Variants in PID1 observed in about 807,000 individuals in gnomAD.
PID1 encodes the protein PTB-containing, cubilin and LRP1-interacting protein.
PID1 carries 10 observed loss-of-function variants against 19.1 expected under a neutral mutation model. The ratio of observed to expected loss-of-function variants is 0.52; its 90% confidence interval spans 0.32 to 0.89. The LOEUF (loss-of-function observed/expected upper bound fraction) is 0.89, where lower values mean the gene tolerates loss of function less well. Ranked by LOEUF, PID1 falls within the 40% of genes least tolerant of loss-of-function variation. The pLI is 0.03. For missense variants in PID1, 248 were observed against 285.3 expected (o/e 0.87, Z 0.94); for synonymous variants, 130 against 116.0 (o/e 1.12, Z -0.78).
intron 2 of PID1, among the ~76,000 whole-genome samples, chr2:229,086,402 G>A (rs1694767592): frequency 6.6e-6 from 1 of 152,048 alleles, no homozygotes; most frequent in South Asian, 2.1e-4. Flanking sequence ...GTAATTTATT[G>A]AATACTATAC....
intron 2 of PID1, among the ~76,000 whole-genome samples, chr2:229,096,690 A>G (rs1574625316): frequency 6.6e-6 from 1 of 152,226 alleles, no homozygotes; most frequent in African/African-American, 2.4e-5. Context: ...AGGGTCCTAC[A>G]TACTCAGAGC....
chr2:229,026,213 AAGGT>A, intron 2 of PID1, 105 bp from the exon 3 acceptor site: 1 of 772,026 alleles, frequency 1.3e-6, no homozygotes, highest in Non-Finnish European at 2.2e-6. Context: ...TCACATTGGG[AAGGT>A]GAAGACACTT....
At chr2:229,204,759 A>G (rs989125588) in intron 1 of PID1, among the ~76,000 whole-genome samples, 1 of 152,130 alleles carries the variant, frequency 6.6e-6, no homozygotes, top group Non-Finnish European at 1.5e-5. Context: ...GGACTGCTAT[A>G]AAGATCAAGT....
At chr2:229,145,157 A>G (rs1313071886) in intron 2 of PID1, among the ~76,000 whole-genome samples, 1,707 of 20,348 alleles carry the variant, frequency 0.084, 23 homozygotes, top group Middle Eastern at 0.13. Flanking sequence ...ATGTATGTGT[A>G]TATATATATA....
In PID1 at chr2:229,234,844, G is replaced by A. The variant is rs73998598; in HGVS notation, c.30+36170C>T. ...AGGACCTATTGTGAAAGACCATGGC[G>A]TTTTCAGAGCACCTAGCATGGTGCC... On this transcript the variant is annotated intron_variant, in intron 1 of 2. Transcript: ENST00000392055. Among the ~76,000 whole-genome samples, 243 of 152,202 alleles carry A rather than the reference G, an allele frequency of 1.6e-3. 2 individuals carry two copies. Among genetic ancestry groups the A allele is most frequent in the African/African-American group, 5.5e-3 (229 of 41,548 alleles).
At chr2:229,199,119 C>G (rs967447182) in intron 1 of PID1, among the ~76,000 whole-genome samples, 3 of 151,970 alleles carry the variant, frequency 2.0e-5, no homozygotes, top group African/African-American at 7.2e-5. Context: ...CAGTGCTGAT[C>G]CTTCTACCTG....
intron 2 of PID1, among the ~76,000 whole-genome samples, chr2:229,071,419 A>G (rs977197635): frequency 1.3e-5 from 2 of 152,238 alleles, no homozygotes; most frequent in African/African-American, 2.4e-5. Flanking sequence ...TTCTCTGAGC[A>G]CATGCTAAGC....
At chr2:229,165,088 A>C (rs1690571626) in intron 1 of PID1, among the ~76,000 whole-genome samples, 1 of 152,182 alleles carries the variant, frequency 6.6e-6, no homozygotes, top group African/African-American at 2.4e-5. Context: ...TGAGTAGAGA[A>C]ATAAAGAAGT....
chr2:229,178,338 T>C (rs1457465646), intron 1 of PID1, among the ~76,000 whole-genome samples: 2 of 152,162 alleles, frequency 1.3e-5, no homozygotes, highest in African/African-American at 4.8e-5. Flanking sequence ...ATCTCCTGGG[T>C]GTGTCCCTCC....
chr2:229,163,516 T>A (rs4522591), intron 1 of PID1, among the ~76,000 whole-genome samples: 92,359 of 151,090 alleles, frequency 0.61, 28,947 homozygotes, highest in East Asian at 0.88. Flanking sequence ...TTTTTTTACC[T>A]TCCCAGAGTC....
At chr2:229,106,082 A>AAAAAAG (rs1409333971) in intron 2 of PID1, among the ~76,000 whole-genome samples, 8 of 151,672 alleles carry the variant, frequency 5.3e-5, no homozygotes, top group Non-Finnish European at 1.2e-4. Context: ...TCCGTCAAAA[A>AAAAAAG]AAAAAAAGGG....
At chr2:229,116,144 G>A (rs912293608) in intron 2 of PID1, among the ~76,000 whole-genome samples, 6 of 152,096 alleles carry the variant, frequency 3.9e-5, no homozygotes, top group African/African-American at 7.2e-5. Context: ...GGAGAATGGC[G>A]TGAACCTGGG....
chr2:229,057,471 A>G (rs946540570), intron 2 of PID1, among the ~76,000 whole-genome samples: 5 of 149,500 alleles, frequency 3.3e-5, no homozygotes, highest in Admixed American at 2.7e-4. Context: ...AAAAAAAAAA[A>G]CCTACTAATT....
intron 2 of PID1, among the ~76,000 whole-genome samples, chr2:229,099,361 A>C (rs1695032428): frequency 6.6e-6 from 1 of 152,178 alleles, no homozygotes; most frequent in South Asian, 2.1e-4. Context: ...ACCACTTTAC[A>C]TAGGCAAATT....
chr2:229,198,906 A>G (rs1322329905), intron 1 of PID1, among the ~76,000 whole-genome samples: 2 of 152,026 alleles, frequency 1.3e-5, no homozygotes, highest in African/African-American at 4.8e-5. Flanking sequence ...GTTCTTTCTG[A>G]AAGATCAGAT....
intron 1 of PID1, among the ~76,000 whole-genome samples, chr2:229,163,547 G>A (rs1690531950): frequency 6.6e-6 from 1 of 151,850 alleles, no homozygotes; most frequent in Non-Finnish European, 1.5e-5. Flanking sequence ...TTATGTGGGA[G>A]AGGAACCAAA....
intron 2 of PID1, among the ~76,000 whole-genome samples, chr2:229,074,397 G>A (rs1304729170): frequency 6.6e-6 from 1 of 152,164 alleles, no homozygotes; most frequent in Non-Finnish European, 1.5e-5. Flanking sequence ...AAACAGAAAT[G>A]AGGAAAAGGG....
intron 1 of PID1, among the ~76,000 whole-genome samples, chr2:229,208,642 C>A (rs1385453596): frequency 6.6e-6 from 1 of 152,178 alleles, no homozygotes; most frequent in African/African-American, 2.4e-5. Flanking sequence ...TCTTTGTCTT[C>A]TTTCCTTCCA....
In PID1 at chr2:229,134,057, A is replaced by G. The variant is rs375986551; in HGVS notation, c.177+21761T>C. Among the ~76,000 whole-genome samples the G allele has an allele frequency of 1.4e-4, 22 of 152,154 alleles. No homozygotes were observed. The South Asian group carries it at 3.5e-3, about 24-fold the overall frequency. ...GTATCACTTCCCTAGTGTGACAACCAAAAGTACCTCCAGACATTGCCAGAT... is the reference window on the plus strand; with the variant it reads ...GTATCACTTCCCTAGTGTGACAACCGAAAGTACCTCCAGACATTGCCAGAT... On this transcript the variant is annotated intron_variant, in intron 2 of 2. Coordinates refer to ENST00000392055, the MANE Select transcript of PID1 (RefSeq NM_001100818.2).
Sources: allele counts gnomAD v4.1 joint callset (sites outside exome capture counted in the v4.1 genomes callset), GRCh38; gene constraint gnomAD v4.1.1; transcripts MANE v1.5; gene names NCBI Gene and HGNC (gene_info 2026-07-23, HGNC 2026-07-21).